The following FGGY variants were observed in gnomAD, a reference collection of about 807,000 sequenced individuals.
FGGY encodes the protein FGGY carbohydrate kinase domain containing, also known as FGGY carbohydrate kinase domain-containing protein.
Under a neutral mutation model 71.3 loss-of-function variants are expected in FGGY, and 72 were observed. The observed-to-expected ratio is 1.01, with a 90% CI of 0.84 to 1.23. The LOEUF is 1.23. FGGY is among the 50% of genes most tolerant of loss of function. The pLI, the probability that FGGY is intolerant of heterozygous loss-of-function variation, is 0.00. For missense variants in FGGY, 668 were observed against 682.3 expected, an observed-to-expected ratio of 0.98 and a Z score of 0.23; for synonymous variants, 251 against 250.3, an observed-to-expected ratio of 1.00 and a Z score of -0.02.
chr1:59,700,418 A>C (rs921762214), intron 14 of FGGY, among the ~76,000 whole-genome samples: 3 of 152,196 alleles, frequency 2.0e-5, no homozygotes, highest in African/African-American at 7.2e-5. Flanking sequence ...TTATTATCCC[A>C]ATTTTTACCC....
In FGGY at chr1:59,337,647, A is replaced by AT. The variant is rs896495688; in HGVS notation, c.202-2305dup. ...TGAATGGGATTATTTTCTTAATTTT[A>AT]TTTTTTATCTTTTAGTTGCTATTAA... On this transcript the variant is annotated intron_variant, in intron 2 of 15. Transcript: ENST00000303721. Among the ~76,000 whole-genome samples, 6 of 152,088 alleles carry AT rather than the reference A, an allele frequency of 3.9e-5. No individual in the cohort carries two copies. In the East Asian group the frequency reaches 9.7e-4, roughly 25 times the overall value.
chr1:59,325,086 G>T (rs2047145554), intron 2 of FGGY, among the ~76,000 whole-genome samples: 1 of 152,156 alleles, frequency 6.6e-6, no homozygotes, highest in Non-Finnish European at 1.5e-5. Context: ...GGGCGTGTTG[G>T]CTCACGCCTG....
At chr1:59,647,104 G>C (rs557974276) in intron 11 of FGGY, among the ~76,000 whole-genome samples, 11 of 152,270 alleles carry the variant, frequency 7.2e-5, no homozygotes, top group Non-Finnish European at 1.5e-4. Flanking sequence ...GGGCGAATCA[G>C]GTGGAATCTA....
chr1:59,424,970 G>A (rs1243327818), intron 5 of FGGY, among the ~76,000 whole-genome samples: 1 of 152,012 alleles, frequency 6.6e-6, no homozygotes, highest in Non-Finnish European at 1.5e-5. Context: ...AAAGAATATG[G>A]GTTTTAGACC....
At chr1:59,676,266 A>G (rs1464742895) in intron 14 of FGGY, among the ~76,000 whole-genome samples, 1 of 152,160 alleles carries the variant, frequency 6.6e-6, no homozygotes, top group East Asian at 1.9e-4. Context: ...GTCCAAGGCT[A>G]CACAGAAAGG....
intron 8 of FGGY, among the ~76,000 whole-genome samples, chr1:59,575,969 T>G (rs1359722110): frequency 6.6e-6 from 1 of 152,208 alleles, no homozygotes; most frequent in Non-Finnish European, 1.5e-5. Context: ...TCATATCATC[T>G]GCAAATTTTG....
upstream of FGGY, chr1:59,296,637 AGGCCGCGCTTTACAGG>A (rs1169644251): frequency 8.6e-5 from 9 of 104,278 alleles, no homozygotes; most frequent in African/African-American, 2.2e-4. Context: ...AGGGCCAATC[AGGCCGCGCTTTACAGG>A]GGCCGCGCTT....
chr1:59,595,038 A>G (rs1201393283), intron 8 of FGGY, among the ~76,000 whole-genome samples: 1 of 152,170 alleles, frequency 6.6e-6, no homozygotes. Flanking sequence ...GCATTCATTG[A>G]GTTTCCTGCT....
At chr1:59,390,017 T>A (rs2060513547) in intron 5 of FGGY, among the ~76,000 whole-genome samples, 1 of 152,168 alleles carries the variant, frequency 6.6e-6, no homozygotes, top group Non-Finnish European at 1.5e-5. Flanking sequence ...TGCATTGTTT[T>A]ATGGTTGTGT....
At chr1:59,546,853 G>A (rs1016094020) in intron 7 of FGGY, among the ~76,000 whole-genome samples, 8 of 151,088 alleles carry the variant, frequency 5.3e-5, no homozygotes, top group African/African-American at 7.3e-5. Flanking sequence ...TGCAGTAAAA[G>A]TAAACCTACT....
At chr1:59,325,092 G>T (rs558535753) in intron 2 of FGGY, among the ~76,000 whole-genome samples, 2 of 152,148 alleles carry the variant, frequency 1.3e-5, no homozygotes, top group Non-Finnish European at 2.9e-5. Context: ...GTTGGCTCAC[G>T]CCTGTAATCC....
At chr1:59,636,048 T>C (rs1351494646) in intron 10 of FGGY, among the ~76,000 whole-genome samples, 1 of 152,200 alleles carries the variant, frequency 6.6e-6, no homozygotes, top group Non-Finnish European at 1.5e-5. Context: ...TAACTGTAGT[T>C]GTTAAGCCTT....
At chr1:59,652,833 G>T (rs1052320087) in intron 11 of FGGY, among the ~76,000 whole-genome samples, 1 of 152,144 alleles carries the variant, frequency 6.6e-6, no homozygotes, top group Non-Finnish European at 1.5e-5. Context: ...GACGCTCTGC[G>T]TTTTAGATTT....
chr1:59,644,705 C>T (rs868842138), intron 11 of FGGY, among the ~76,000 whole-genome samples: 5 of 151,620 alleles, frequency 3.3e-5, no homozygotes, highest in South Asian at 2.1e-4. Context: ...AGGCCGGGTG[C>T]GGTGGCTCAC....
At chr1:59,588,424 G>T (rs563577853) in intron 8 of FGGY, among the ~76,000 whole-genome samples, 3 of 151,898 alleles carry the variant, frequency 2.0e-5, no homozygotes, top group African/African-American at 7.3e-5. Flanking sequence ...CCAACGTTCA[G>T]ATTCAGGAAA....
chr1:59,536,968 T>A (rs917096847), intron 7 of FGGY, among the ~76,000 whole-genome samples: 65 of 151,956 alleles, frequency 4.3e-4, no homozygotes, highest in Non-Finnish European at 8.4e-4. Flanking sequence ...ACCACTCCTA[T>A]TCAACATAGT....
chr1:59,542,385 T>G (rs558546031), intron 7 of FGGY, among the ~76,000 whole-genome samples: 88 of 150,762 alleles, frequency 5.8e-4, no homozygotes, highest in African/African-American at 2.0e-3. Flanking sequence ...ATACTATTAA[T>G]CAGGGCTGAA....
chr1:59,704,888 C>T (rs1193334308), intron 14 of FGGY, among the ~76,000 whole-genome samples: 1 of 152,144 alleles, frequency 6.6e-6, no homozygotes, highest in Middle Eastern at 3.2e-3. Flanking sequence ...TGTCCCAATT[C>T]GTATTCCTGC....
chr1:59,693,116 G>T (rs2097608423), intron 14 of FGGY, among the ~76,000 whole-genome samples: 2 of 152,178 alleles, frequency 1.3e-5, no homozygotes, highest in South Asian at 4.1e-4. Context: ...TCGTCAGAAG[G>T]TTTAAATGGA....
Sources: allele counts gnomAD v4.1 joint callset (sites outside exome capture counted in the v4.1 genomes callset), GRCh38; gene constraint gnomAD v4.1.1; transcripts MANE v1.5; gene names NCBI Gene and HGNC (gene_info 2026-07-23, HGNC 2026-07-21).